Variants in LRRTM4 observed in about 807,000 individuals in gnomAD.
LRRTM4 encodes the protein leucine rich repeat transmembrane neuronal 4.
A neutral mutation model predicts 47.6 loss-of-function variants in LRRTM4; 25 were observed. That is an observed-to-expected ratio of 0.53 (90% confidence interval 0.38 to 0.73). The LOEUF is 0.73. Among genes scored for constraint, LRRTM4 ranks in the 30% least tolerant of loss-of-function variants. The pLI is 0.00. For missense variants in LRRTM4, 638 were observed against 713.4 expected (o/e 0.89, Z 1.20); for synonymous variants, 311 against 269.5 (o/e 1.15, Z -1.51).
At chr2:77,207,922 A>C (rs1002067189) in intron 3 of LRRTM4, among the ~76,000 whole-genome samples, 1 of 104,856 alleles carries the variant, frequency 9.5e-6, no homozygotes, top group Admixed American at 1.5e-4. Context: ...TTTTTCACCC[A>C]GGCTGGAGTG....
intron 3 of LRRTM4, among the ~76,000 whole-genome samples, chr2:77,276,033 A>T (rs1392950547): frequency 1.3e-5 from 2 of 152,066 alleles, no homozygotes; most frequent in Non-Finnish European, 2.9e-5. Context: ...TGAGTAGGAA[A>T]AGTGTGACTG....
intron 3 of LRRTM4, among the ~76,000 whole-genome samples, chr2:77,308,877 A>C (rs577333001): frequency 6.6e-6 from 1 of 152,016 alleles, no homozygotes; most frequent in Non-Finnish European, 1.5e-5. Flanking sequence ...GGTTAAGCAA[A>C]CTCCACGTCT....
intron 3 of LRRTM4, among the ~76,000 whole-genome samples, chr2:77,330,189 G>A (rs1318461335): frequency 6.6e-6 from 1 of 152,078 alleles, no homozygotes; most frequent in Non-Finnish European, 1.5e-5. Flanking sequence ...TAATCTGGGG[G>A]GGCAGGACTG....
chr2:77,022,999 C>T (rs550018485), intron 3 of LRRTM4, among the ~76,000 whole-genome samples: 2 of 152,364 alleles, frequency 1.3e-5, no homozygotes, highest in Admixed American at 6.5e-5. Flanking sequence ...TGCATGAGAG[C>T]CCTGCTCCTG....
intron 3 of LRRTM4, among the ~76,000 whole-genome samples, chr2:76,919,343 G>T (rs1222275951): frequency 1.3e-5 from 2 of 152,084 alleles, no homozygotes; most frequent in Non-Finnish European, 2.9e-5. Context: ...ATGGCCCAAG[G>T]CCTCAGAAAT....
chr2:76,911,120 G>C (rs1272815312), intron 3 of LRRTM4, among the ~76,000 whole-genome samples: 2 of 151,988 alleles, frequency 1.3e-5, no homozygotes, highest in African/African-American at 4.8e-5. Flanking sequence ...CATATTTTTT[G>C]GTTTAATAAT....
intron 3 of LRRTM4, among the ~76,000 whole-genome samples, chr2:77,502,572 A>G (rs1394877172): frequency 6.6e-6 from 1 of 151,702 alleles, no homozygotes. Flanking sequence ...GTAATTATTT[A>G]TTCTTTCAGT....
At chr2:77,474,832 G>C (rs1371449157) in intron 3 of LRRTM4, among the ~76,000 whole-genome samples, 1 of 151,994 alleles carries the variant, frequency 6.6e-6, no homozygotes, top group Admixed American at 6.6e-5. Flanking sequence ...AAATAATAAA[G>C]GGTAAATATG....
rs114676625 is a variant in LRRTM4 at position 76,887,671 on chromosome 2, A to G, written c.1552-138755T>C. ...TGTGTATATATGTTTGTATTTATAT[A>G]TATATGTGCACATATGTCAAAATGG... On this transcript the variant is annotated intron_variant, in intron 3 of 3. Transcript: ENST00000409884. Among the ~76,000 whole-genome samples the G allele has an allele frequency of 5.7e-3, 764 of 133,064 alleles. 4 individuals carry two copies. The highest frequency in any genetic ancestry group is 0.021 in the African/African-American group (735 of 35,184). The allele number at this position is 133,064 out of a possible 152,430, so 87.3% of individuals were successfully genotyped here.
At chr2:77,197,513 A>T (rs1276802715) in intron 3 of LRRTM4, among the ~76,000 whole-genome samples, 1 of 152,182 alleles carries the variant, frequency 6.6e-6, no homozygotes, top group Admixed American at 6.6e-5. Context: ...ACATCTTACA[A>T]CTTTCTATTC....
chr2:76,925,209 G>A (rs1674551932), intron 3 of LRRTM4, among the ~76,000 whole-genome samples: 1 of 152,142 alleles, frequency 6.6e-6, no homozygotes. Flanking sequence ...AAAAGAGATG[G>A]AAGAATAAGT....
intron 3 of LRRTM4, among the ~76,000 whole-genome samples, chr2:77,113,428 G>A (rs1050844383): frequency 1.3e-5 from 2 of 152,176 alleles, no homozygotes; most frequent in Non-Finnish European, 2.9e-5. Context: ...CGACGCATTT[G>A]TACACCTTGA....
chr2:77,405,295 AC>A, intron 3 of LRRTM4, among the ~76,000 whole-genome samples: 1 of 152,168 alleles, frequency 6.6e-6, no homozygotes, highest in East Asian at 1.9e-4. Flanking sequence ...CAGTAGTGTT[AC>A]TTTTTCACCA....
At chr2:76,859,119 G>C (rs1314764337) in intron 3 of LRRTM4, among the ~76,000 whole-genome samples, 2 of 152,042 alleles carry the variant, frequency 1.3e-5, no homozygotes, top group Non-Finnish European at 2.9e-5. Context: ...CATTTTATTT[G>C]CACTTCATAA....
intron 3 of LRRTM4, among the ~76,000 whole-genome samples, chr2:77,147,896 T>C (rs573515383): frequency 6.6e-6 from 1 of 152,230 alleles, no homozygotes. Context: ...TTGTGTCTTA[T>C]TTTTTAAGCA....
At chr2:77,086,494 T>TG (rs11388552) in intron 3 of LRRTM4, among the ~76,000 whole-genome samples, 26 of 150,628 alleles carry the variant, frequency 1.7e-4, no homozygotes, top group African/African-American at 6.1e-4. Flanking sequence ...TTTTTTTTTT[T>TG]GAAATGGAGT....
At chr2:76,987,679 C>T (rs1467501609) in intron 3 of LRRTM4, among the ~76,000 whole-genome samples, 2 of 151,612 alleles carry the variant, frequency 1.3e-5, no homozygotes, top group African/African-American at 2.4e-5. Flanking sequence ...AGTTTTAAGC[C>T]ACATTAGTTT....
At chr2:77,517,603 T>G (rs761393903) in intron 3 of LRRTM4, 78 of 976,624 alleles carry the variant, frequency 8.0e-5, no homozygotes, top group Non-Finnish European at 8.0e-5. Context: ...CGGATCTATA[T>G]CCCAGTAATT....
intron 3 of LRRTM4, among the ~76,000 whole-genome samples, chr2:77,386,201 T>C (rs1673265459): frequency 6.6e-6 from 1 of 152,162 alleles, no homozygotes; most frequent in Non-Finnish European, 1.5e-5. Flanking sequence ...GAACAAATAG[T>C]GTTGAAGTTA....
Sources: allele counts gnomAD v4.1 joint callset (sites outside exome capture counted in the v4.1 genomes callset), GRCh38; gene constraint gnomAD v4.1.1; transcripts MANE v1.5; gene names NCBI Gene and HGNC (gene_info 2026-07-23, HGNC 2026-07-21).